CELF4: variants seen among roughly 807,000 people sequenced by gnomAD.
CELF4 encodes CUGBP Elav-like family member 4.
Under a neutral mutation model 59.9 loss-of-function variants are expected in CELF4, and 18 were observed. The ratio of observed to expected loss-of-function variants is 0.30; its 90% confidence interval spans 0.21 to 0.45. CELF4 has a LOEUF of 0.45. CELF4 is among the 20% of genes least tolerant of loss of function. The pLI, the probability that CELF4 is intolerant of heterozygous loss-of-function variation, is 1.00. For synonymous variants in CELF4, 261 were observed against 267.1 expected, an observed-to-expected ratio of 0.98 and a Z score of 0.22; for missense variants, 456 against 689.0, an observed-to-expected ratio of 0.66 and a Z score of 3.79.
intron 2 of CELF4, chr18:37,473,708 G>T (rs9946836): frequency 0.079 from 12,053 of 152,430 alleles, 526 homozygotes; most frequent in East Asian, 0.14. Flanking sequence ...GCACGTGTGT[G>T]GGGGGTGGCT....
chr18:37,248,320 C>G (rs2063322274), intron 12 of CELF4, among the ~76,000 whole-genome samples: 1 of 152,246 alleles, frequency 6.6e-6, no homozygotes, highest in Non-Finnish European at 1.5e-5. Flanking sequence ...TTTGCTCACA[C>G]TCTTTGCCTT....
chr18:37,544,813 G>C (rs1341402649), intron 1 of CELF4, among the ~76,000 whole-genome samples: 1 of 152,192 alleles, frequency 6.6e-6, no homozygotes, highest in Non-Finnish European at 1.5e-5. Context: ...CTGAGCCCCA[G>C]GGGCCATGAG....
intron 2 of CELF4, among the ~76,000 whole-genome samples, chr18:37,463,807 G>GT (rs1027006086): frequency 1.3e-5 from 2 of 152,008 alleles, no homozygotes; most frequent in African/African-American, 2.4e-5. Context: ...CAACCTGGAG[G>GT]TTTTTTTTCT....
At position 37,254,254 on chromosome 18, in the gene CELF4, C is replaced by T. The variant is rs1305787718; in HGVS notation, c.1334-316G>A. On this transcript the variant is annotated intron_variant, in intron 11 of 12. Transcript: ENST00000420428. This position sits in a 1 kb window ranked among gnomAD's most constrained non-coding sequence, Gnocchi z 5.1. ...GGGAGAGGCGCCCGCCCCCCACCCC[C>T]GCCGGCCCCGGCACCTCAGCCCTCG... Among the ~76,000 whole-genome samples, 1 of 151,610 alleles carries T rather than the reference C, an allele frequency of 6.6e-6. No homozygotes were observed. Among genetic ancestry groups the T allele is most frequent in the African/African-American group, 2.4e-5 (1 of 41,376 alleles).
intron 2 of CELF4, among the ~76,000 whole-genome samples, chr18:37,407,011 GTTAGACC>G (rs2099393766): frequency 1.3e-5 from 2 of 152,158 alleles, no homozygotes; most frequent in Admixed American, 6.5e-5. Context: ...ACCTCACTTT[GTTAGACC>G]TCAGGAAAGA....
chr18:37,293,358 T>C (rs1055656273), intron 3 of CELF4, among the ~76,000 whole-genome samples: 6 of 152,224 alleles, frequency 3.9e-5, no homozygotes, highest in Non-Finnish European at 8.8e-5. Context: ...CTTGGCTTTC[T>C]TTAGTTGTAG....
At chr18:37,464,718 G>A (rs951780581) in intron 2 of CELF4, among the ~76,000 whole-genome samples, 3 of 152,108 alleles carry the variant, frequency 2.0e-5, no homozygotes, top group African/African-American at 7.2e-5. Context: ...CTCACAGATG[G>A]GGAGTGGAGA....
rs188633205 is a variant in CELF4, at chr18:37,267,901, G to A, written c.1100-1303C>T. 1.6e-3 allele frequency among the ~76,000 whole-genome samples: 246 copies of A among 152,304 alleles called. 2 individuals are homozygous for A. The highest frequency in any genetic ancestry group is 2.8e-3 in the Non-Finnish European group (193 of 68,022). ...AAATACAAAAAAATTAGTGGGCATGGTGGTGGGCACCTGTAATCCCAGCTA... is the reference window on the plus strand; with the variant it reads ...AAATACAAAAAAATTAGTGGGCATGATGGTGGGCACCTGTAATCCCAGCTA... On this transcript the variant is annotated intron_variant, in intron 8 of 12. Coordinates refer to ENST00000420428, the MANE Select transcript of CELF4 (RefSeq NM_020180.4).
At chr18:37,269,531 C>G (rs1378468204) in intron 8 of CELF4, among the ~76,000 whole-genome samples, 1 of 152,218 alleles carries the variant, frequency 6.6e-6, no homozygotes, top group Non-Finnish European at 1.5e-5. Flanking sequence ...GAACAGGACC[C>G]AGCCCCTGCT....
intron 1 of CELF4, among the ~76,000 whole-genome samples, chr18:37,516,194 C>T (rs1377908645): frequency 1.3e-5 from 2 of 152,192 alleles, no homozygotes; most frequent in Admixed American, 6.5e-5. Flanking sequence ...ACATCCCTTC[C>T]TGCCCCCTGG....
chr18:37,489,442 A>T (rs10468928), intron 1 of CELF4, among the ~76,000 whole-genome samples: 1 of 152,034 alleles, frequency 6.6e-6, no homozygotes, highest in African/African-American at 2.4e-5. Flanking sequence ...AGGGTGCCCA[A>T]GCCTCAGCCA....
intron 2 of CELF4, among the ~76,000 whole-genome samples, chr18:37,362,650 C>T (rs2098722930): frequency 6.9e-6 from 1 of 144,564 alleles, no homozygotes; most frequent in African/African-American, 2.6e-5. Flanking sequence ...CTAGCTCGAA[C>T]AGGCCACTGG....
intron 2 of CELF4, among the ~76,000 whole-genome samples, chr18:37,479,421 T>A (rs1023355167): frequency 2.6e-5 from 4 of 152,196 alleles, no homozygotes; most frequent in Admixed American, 6.5e-5. Context: ...TGTGGGACTG[T>A]CCTGTACATT....
chr18:37,299,423 G>T (rs2095861221), intron 3 of CELF4, among the ~76,000 whole-genome samples: 1 of 152,154 alleles, frequency 6.6e-6, no homozygotes, highest in Non-Finnish European at 1.5e-5. Context: ...TGGGAGTGAG[G>T]GTCCCAGGGG....
At chr18:37,508,053 T>A (rs1603642966) in intron 1 of CELF4, among the ~76,000 whole-genome samples, 1 of 152,334 alleles carries the variant, frequency 6.6e-6, no homozygotes, top group Middle Eastern at 3.4e-3. Flanking sequence ...TTGTGTTTCC[T>A]GCAGTTCCTG....
At position 37,259,180 on chromosome 18, in the gene CELF4, C is replaced by A; in HGVS notation, c.1333+1G>T. 1 of 1,613,442 alleles carries A rather than the reference C, an allele frequency of 6.2e-7. No homozygotes were observed. The highest frequency in any genetic ancestry group is 8.5e-7 in the Non-Finnish European group (1 of 1,179,846). The stretch of plus-strand genomic sequence containing the variant: ...AAACACTTTCGAGGAGATGACATTA[C>A]CGAAAGGGAGGAACATCTGCATCAG... On this transcript the variant is annotated splice_donor_variant, in intron 11 of 12. Coordinates refer to ENST00000420428, the MANE Select transcript of CELF4 (RefSeq NM_020180.4). LOFTEE classifies it high-confidence loss of function.
intron 2 of CELF4, among the ~76,000 whole-genome samples, chr18:37,372,479 C>T (rs1012587459): frequency 3.3e-5 from 5 of 151,956 alleles, no homozygotes; most frequent in Non-Finnish European, 5.9e-5. Context: ...CGGGGCCTGT[C>T]GTGGGATGGG....
At chr18:37,326,387 CTCCTCTG>C (rs2097312677) in intron 2 of CELF4, among the ~76,000 whole-genome samples, 1 of 152,206 alleles carries the variant, frequency 6.6e-6, no homozygotes, top group African/African-American at 2.4e-5. Context: ...CCCGTCTCTG[CTCCTCTG>C]TCAGCTACTC....
intron 2 of CELF4, among the ~76,000 whole-genome samples, chr18:37,466,470 A>G (rs942066237): frequency 6.6e-6 from 1 of 152,138 alleles, no homozygotes; most frequent in African/African-American, 2.4e-5. Flanking sequence ...CTGTACTTAT[A>G]CAAGCCTGAC....
Sources: allele counts gnomAD v4.1 joint callset (sites outside exome capture counted in the v4.1 genomes callset), GRCh38; gene constraint gnomAD v4.1.1; non-coding constraint Gnocchi (gnomAD v3.1); transcripts MANE v1.5; gene names NCBI Gene and HGNC (gene_info 2026-07-23, HGNC 2026-07-21).